Variants in CUL4A observed in about 807,000 individuals in gnomAD.
CUL4A encodes the protein cullin-4A.
In CUL4A, 16 loss-of-function variants were observed where a neutral mutation model predicts 95.5. That is an observed-to-expected ratio of 0.17 (90% confidence interval 0.11 to 0.25). The LOEUF is 0.25. CUL4A is among the 10% of genes least tolerant of loss of function. The pLI, the probability that CUL4A is intolerant of heterozygous loss-of-function variation, is 1.00. For missense variants in CUL4A, 610 were observed against 937.0 expected, an observed-to-expected ratio of 0.65 and a Z score of 4.56; for synonymous variants, 380 against 353.1, an observed-to-expected ratio of 1.08 and a Z score of -0.85.
chr13:113,250,431 A>G (rs1388405408), intron 15 of CUL4A, among the ~76,000 whole-genome samples: 2 of 152,326 alleles, frequency 1.3e-5, no homozygotes, highest in South Asian at 2.1e-4. Flanking sequence ...CATCCTGGGC[A>G]ACAGAGTGAG....
chr13:113,244,941 A>G lies in CUL4A; in HGVS notation c.1334-8A>G. 1.9e-6 allele frequency: 3 copies of G among 1,552,650 alleles called. No individual in the cohort carries two copies. The highest frequency in any genetic ancestry group is 2.7e-6 in the Non-Finnish European group (3 of 1,124,134). ...ATGTCTTGATTATTCTCGTCTGGTT[A>G]TAAATAGGTAAAGATGTCTTTGAAG... On this transcript the variant is annotated splice_polypyrimidine_tract_variant and splice_region_variant and intron_variant, in intron 12 of 19. Coordinates refer to ENST00000375440, the MANE Select transcript of CUL4A (RefSeq NM_001008895.4).
chr13:113,242,493 T>A (rs1297850238), intron 10 of CUL4A, among the ~76,000 whole-genome samples: 2 of 152,186 alleles, frequency 1.3e-5, no homozygotes, highest in Non-Finnish European at 2.9e-5. Flanking sequence ...AATTGTGTAT[T>A]TAATTGTATA....
rs1011901284 is a variant in CUL4A, at chr13:113,229,511, C to T, written c.504C>T (p.Pro168=). Residue 168 remains proline (P), a synonymous_variant, in exon 5 of 20, where the codon CCC becomes CCT. Transcript: ENST00000375440. ...ATGTGCTGCAGAACTCCACGCTGCC[C>T]TCCATCTGGTGAGTGTCCTCACAGC... ...RTYVLQNSTL[P]SIWDMGLELF... 1 of 1,613,098 alleles carries T rather than the reference C, an allele frequency of 6.2e-7. No homozygotes were observed.
chr13:113,263,553 A>G lies in CUL4A; in HGVS notation c.2251A>G (p.Asn751Asp). The G allele has an allele frequency of 6.2e-7, 1 of 1,605,604 alleles. No homozygotes were observed. The highest frequency in any genetic ancestry group is 8.5e-7 in the Non-Finnish European group (1 of 1,176,260). Reference protein sequence around the residue: ...DRDYMERDKDNPNQYHYVA With the variant: ...DRDYMERDKDDPNQYHYVA ...AGACTATATGGAGAGAGACAAAGAC[A>G]ATCCGAATCAGTACCACTACGTGGC... The change falls in exon 20 of 20, where the codon AAT becomes GAT. Residue 751 changes from asparagine (N) to aspartate (D), a missense_variant. By Grantham distance (23) the Asn-to-Asp change is conservative. Transcript: ENST00000375440.
At chr13:113,228,176 T>C (rs1333999540) in intron 4 of CUL4A, 131 bp downstream of exon 4, 2 of 702,214 alleles carry the variant, frequency 2.8e-6, no homozygotes, top group Admixed American at 5.0e-5. Context: ...AACAGCACGA[T>C]GAGAAAAGCA....
chr13:113,223,554 C>T (rs1484056972), intron 3 of CUL4A, among the ~76,000 whole-genome samples: 6 of 152,142 alleles, frequency 3.9e-5, no homozygotes, highest in South Asian at 2.1e-4. Context: ...TGCGCCACCA[C>T]GCCTGGCTAA....
Position 113,233,936 on chromosome 13 carries a change from A to G in CUL4A, c.715A>G (p.Thr239Ala). Residue 239 changes from threonine (T) to alanine (A), a missense_variant, in exon 7 of 20, where the codon ACT (threonine) becomes GCT (alanine). Around this residue, in one of 10 missense-constraint regions of CUL4A, gnomAD observed 97 missense variants for 100.3 expected, o/e 0.97. Coordinates refer to ENST00000375440, the MANE Select transcript of CUL4A (RefSeq NM_001008895.4). ...DSFELKFLEE[T>A]NCLYAAEGQR... ...ATTTGAACTGAAATTTTTGGAAGAG[A>G]CTAATTGCTTATATGCTGCCGAAGG... 2 of 1,611,858 alleles carry G rather than the reference A, an allele frequency of 1.2e-6. No individual in the cohort carries two copies. The highest frequency in any genetic ancestry group is 1.1e-5 in the South Asian group (1 of 90,992).
At chr13:113,258,009 T>G (rs375898441) in intron 18 of CUL4A, among the ~76,000 whole-genome samples, 40 of 151,918 alleles carry the variant, frequency 2.6e-4, no homozygotes, top group African/African-American at 8.2e-4. Context: ...CCAGCCATTT[T>G]TTTTGTTTTG....
chr13:113,224,667 A>C (rs1476478172), intron 3 of CUL4A, among the ~76,000 whole-genome samples: 1 of 152,264 alleles, frequency 6.6e-6, no homozygotes, highest in African/African-American at 2.4e-5. Flanking sequence ...TCACTTGACC[A>C]GATATCGTGT....
intron 2 of CUL4A, among the ~76,000 whole-genome samples, chr13:113,214,295 C>G (rs1440971130): frequency 6.6e-6 from 1 of 152,096 alleles, no homozygotes; most frequent in African/African-American, 2.4e-5. Flanking sequence ...AGGCATGGAT[C>G]TTTTCCATTG....
intron 19 of CUL4A, among the ~76,000 whole-genome samples, chr13:113,261,775 C>CA (rs34525536): frequency 1.3e-5 from 2 of 151,322 alleles, no homozygotes; most frequent in South Asian, 4.1e-4. Flanking sequence ...GCTCTGCTCT[C>CA]GGGTAGTTGG....
chr13:113,237,156 C>T (rs1443460908), intron 9 of CUL4A, among the ~76,000 whole-genome samples: 1 of 152,196 alleles, frequency 6.6e-6, no homozygotes, highest in African/African-American at 2.4e-5. Flanking sequence ...GTACCACACT[C>T]ATGCTGAAAC....
At chr13:113,245,719 AAG>A (rs1441250800) in intron 14 of CUL4A, among the ~76,000 whole-genome samples, 4 of 152,244 alleles carry the variant, frequency 2.6e-5, no homozygotes, top group Admixed American at 1.3e-4. Context: ...AAAGAAGAAA[AAG>A]AAGATCTAAA....
At position 113,231,061 on chromosome 13, in the gene CUL4A, C is replaced by G. The variant is rs2041294266; in HGVS notation, c.512+1542C>G. On this transcript the variant is annotated intron_variant, in intron 5 of 19. Transcript: ENST00000375440. The stretch of plus-strand genomic sequence containing the variant: ...GTGCTGGAATTACAGGTGTGAACCA[C>G]CATGCCCAACACTAAACTCTTAATT... Among the ~76,000 whole-genome samples the G allele has an allele frequency of 3.9e-5, 6 of 152,184 alleles. No homozygotes were observed. The South Asian group carries it at 1.2e-3, about 32-fold the overall frequency.
chr13:113,216,499 A>T (rs546246590), intron 2 of CUL4A, among the ~76,000 whole-genome samples: 111 of 152,336 alleles, frequency 7.3e-4, no homozygotes, highest in Non-Finnish European at 1.3e-3. Context: ...CTGTTGATAC[A>T]AGGAAAGCAT....
chr13:113,244,536 A>G, intron 12 of CUL4A, 22 bp downstream of exon 12: 1 of 1,554,948 alleles, frequency 6.4e-7, no homozygotes, highest in Non-Finnish European at 8.8e-7. Flanking sequence ...GCACTCAGAA[A>G]ATGCTGCATA....
Position 113,260,206 on chromosome 13 carries a change from A to AAAAAAAAAAAAAAAAAAAAAAAC in CUL4A, c.2032-388_2032-387insAAAAAAAAACAAAAAAAAAAAAA, listed in dbSNP as rs2042236408. Among the ~76,000 whole-genome samples, 3 of 100,314 alleles carry AAAAAAAAAAAAAAAAAAAAAAAC rather than the reference A, an allele frequency of 3.0e-5. 1 individual carries two copies. The highest frequency in any genetic ancestry group is 1.1e-4 in the African/African-American group (2 of 18,846). 65.8% of individuals were successfully genotyped at this position (100,314 alleles called of 152,430 possible). A position where few individuals can be genotyped will look rare whatever the true frequency, so the allele number is the denominator to read the frequency against. On this transcript the variant is annotated intron_variant, in intron 18 of 19. Coordinates refer to ENST00000375440, the MANE Select transcript of CUL4A (RefSeq NM_001008895.4). The stretch of plus-strand genomic sequence containing the variant: ...GTGACAGAGTGAGACTCCGTCTCAA[A>AAAAAAAAAAAAAAAAAAAAAAAC]AAAAAAAAAAAAACCATTTCCCATC...
chr13:113,222,188 C>G (rs960263124), intron 3 of CUL4A, among the ~76,000 whole-genome samples: 1 of 152,094 alleles, frequency 6.6e-6, no homozygotes, highest in Admixed American at 6.5e-5. Flanking sequence ...TGTGGAGGAG[C>G]CTTTGTTGAA....
chr13:113,249,738 C>G (rs2041946944), intron 15 of CUL4A, among the ~76,000 whole-genome samples: 1 of 152,176 alleles, frequency 6.6e-6, no homozygotes, highest in Admixed American at 6.5e-5. Context: ...ACGAGAGCTT[C>G]CCACCTTCTC....
Sources: allele counts gnomAD v4.1 joint callset (sites outside exome capture counted in the v4.1 genomes callset), GRCh38; gene constraint gnomAD v4.1.1; regional missense constraint gnomAD v4.1.1; transcripts MANE v1.5; gene names NCBI Gene and HGNC (gene_info 2026-07-23, HGNC 2026-07-21).